The following GNAQ variants were observed in gnomAD, a reference collection of about 807,000 sequenced individuals.
GNAQ encodes guanine nucleotide-binding protein G(q) subunit alpha.
A neutral mutation model predicts 43.9 loss-of-function variants in GNAQ; 8 were observed. That is an observed-to-expected ratio of 0.18 (90% CI 0.11 to 0.33). The LOEUF (loss-of-function observed/expected upper bound fraction) is 0.33. Ranked by LOEUF, GNAQ falls within the 10% of genes least tolerant of loss-of-function variation. GNAQ has a pLI of 1.00. For missense variants in GNAQ, 158 were observed against 450.8 expected (o/e 0.35, Z 5.88); for synonymous variants, 155 against 170.7 (o/e 0.91, Z 0.71).
chr9:77,896,908 G>A (rs902662955), intron 2 of GNAQ, among the ~76,000 whole-genome samples: 6 of 152,352 alleles, frequency 3.9e-5, no homozygotes, highest in Middle Eastern at 6.8e-3. Context: ...TGTCATAAAA[G>A]AGGAAAATGA....
At chr9:77,794,820 G>A (rs1412448101) in intron 4 of GNAQ, among the ~76,000 whole-genome samples, 2 of 152,102 alleles carry the variant, frequency 1.3e-5, no homozygotes, top group African/African-American at 4.8e-5. Flanking sequence ...AAAGTTACCA[G>A]TGTGTACGAA....
chr9:77,985,396 T>C (rs559067768), intron 1 of GNAQ, among the ~76,000 whole-genome samples: 7 of 152,244 alleles, frequency 4.6e-5, no homozygotes, highest in African/African-American at 1.7e-4. Flanking sequence ...CATCACATCA[T>C]ATAATGGAGG....
intron 5 of GNAQ, among the ~76,000 whole-genome samples, chr9:77,774,228 C>G (rs906303946): frequency 2.0e-5 from 3 of 152,072 alleles, no homozygotes; most frequent in Non-Finnish European, 4.4e-5. Flanking sequence ...AAACTATCTC[C>G]TTTATTTCAA....
chr9:77,998,051 T>TAC (rs143684787), intron 1 of GNAQ, among the ~76,000 whole-genome samples: 4 of 151,994 alleles, frequency 2.6e-5, no homozygotes, highest in South Asian at 2.1e-4. Context: ...CCACTTCTCA[T>TAC]ACACACACAC....
chr9:77,957,826 G>C (rs1407937046), intron 1 of GNAQ, among the ~76,000 whole-genome samples: 1 of 152,166 alleles, frequency 6.6e-6, no homozygotes, highest in East Asian at 1.9e-4. Context: ...GAGAGGGCAG[G>C]ATATGTTTAG....
In GNAQ at chr9:77,909,141, G is replaced by A. The variant is rs77436987; in HGVS notation, c.321+13020C>T. Among the ~76,000 whole-genome samples, 726 of 152,202 alleles carry A rather than the reference G, an allele frequency of 4.8e-3. 6 individuals carry two copies. The highest frequency in any genetic ancestry group is 0.016 in the African/African-American group (673 of 41,538). On this transcript the variant is annotated intron_variant, in intron 2 of 6. Transcript: ENST00000286548. ...TTCTCCTCCATGGCTGGCAAAAACT[G>A]CACAACACTGATACACGCCACCCAC...
intron 1 of GNAQ, among the ~76,000 whole-genome samples, chr9:77,991,688 C>T (rs1823509851): frequency 6.6e-6 from 1 of 152,078 alleles, no homozygotes; most frequent in Non-Finnish European, 1.5e-5. Flanking sequence ...GTACACCGTA[C>T]CCAATATGCA....
intron 5 of GNAQ, among the ~76,000 whole-genome samples, chr9:77,771,851 T>C (rs1301148986): frequency 6.6e-6 from 1 of 152,070 alleles, no homozygotes. Context: ...TACCTTAAAT[T>C]GTGTCACAGA....
At chr9:77,975,682 CG>C (rs1823292275) in intron 1 of GNAQ, among the ~76,000 whole-genome samples, 1 of 151,716 alleles carries the variant, frequency 6.6e-6, no homozygotes, top group Non-Finnish European at 1.5e-5. Flanking sequence ...TGGGATTACA[CG>C]CGCACACCAC....
intron 1 of GNAQ, among the ~76,000 whole-genome samples, chr9:78,020,394 C>T (rs552506622): frequency 6.6e-6 from 1 of 152,266 alleles, no homozygotes; most frequent in South Asian, 2.1e-4. Context: ...TCTCGGGACA[C>T]AGCTTCATGA....
chr9:77,866,470 T>C (rs548812169), intron 2 of GNAQ, among the ~76,000 whole-genome samples: 6 of 152,222 alleles, frequency 3.9e-5, no homozygotes, highest in African/African-American at 1.4e-4. Context: ...AATTAAAAAT[T>C]AAAACTAAAC....
At chr9:77,802,761 G>C (rs944012798) in intron 3 of GNAQ, among the ~76,000 whole-genome samples, 3 of 152,096 alleles carry the variant, frequency 2.0e-5, no homozygotes, top group African/African-American at 7.2e-5. Flanking sequence ...GTCAGGGAGA[G>C]GAAGCTCCCA....
intron 2 of GNAQ, among the ~76,000 whole-genome samples, chr9:77,863,243 G>A (rs370079835): frequency 7.1e-6 from 1 of 141,712 alleles, no homozygotes; most frequent in African/African-American, 2.5e-5. Flanking sequence ...AGGAAGGAAG[G>A]AAGAGAAAGA....
chr9:77,927,700 A>T (rs1829090043), intron 1 of GNAQ, among the ~76,000 whole-genome samples: 1 of 152,140 alleles, frequency 6.6e-6, no homozygotes, highest in African/African-American at 2.4e-5. Flanking sequence ...AGTTACCAAA[A>T]CTGTGGCATT....
At chr9:78,017,486 G>A (rs953135298) in intron 1 of GNAQ, among the ~76,000 whole-genome samples, 2 of 152,168 alleles carry the variant, frequency 1.3e-5, no homozygotes, top group Non-Finnish European at 2.9e-5. Flanking sequence ...TGTCATCTGT[G>A]ACACTGAAAC....
Position 77,798,387 on chromosome 9 carries a change from C to A in GNAQ, c.477-739G>T, listed in dbSNP as rs536487722. ...AATATTACAGAACATTTCCCTGTAC[C>A]CTTTACCCAGCTTCCCCAAACAATA... On this transcript the variant is annotated intron_variant, in intron 3 of 6. Coordinates refer to ENST00000286548, the MANE Select transcript of GNAQ (RefSeq NM_002072.5). Among the ~76,000 whole-genome samples the A allele has an allele frequency of 5.3e-5, 8 of 152,174 alleles. 1 individual carries two copies. In the South Asian group the frequency reaches 1.7e-3, roughly 32 times the overall value.
intron 1 of GNAQ, among the ~76,000 whole-genome samples, chr9:77,981,695 G>A (rs762462077): frequency 2.0e-5 from 3 of 152,060 alleles, no homozygotes; most frequent in Non-Finnish European, 2.9e-5. Flanking sequence ...CAAATTTCAT[G>A]ATTATTTCTC....
At chr9:77,908,475 A>G (rs529627013) in intron 2 of GNAQ, among the ~76,000 whole-genome samples, 3 of 152,178 alleles carry the variant, frequency 2.0e-5, no homozygotes, top group Non-Finnish European at 4.4e-5. Context: ...ACAGATATAC[A>G]TTTCTCCTGA....
intron 1 of GNAQ, among the ~76,000 whole-genome samples, chr9:77,938,768 T>A (rs867868528): frequency 6.6e-6 from 1 of 152,158 alleles, no homozygotes; most frequent in Non-Finnish European, 1.5e-5. Context: ...CTGTGTTACG[T>A]TGTCAAACGC....
Sources: allele counts gnomAD v4.1 joint callset (sites outside exome capture counted in the v4.1 genomes callset), GRCh38; gene constraint gnomAD v4.1.1; transcripts MANE v1.5; gene names NCBI Gene and HGNC (gene_info 2026-07-23, HGNC 2026-07-21).